The following WWP2 variants were observed in gnomAD, a reference collection of about 807,000 sequenced individuals.
WWP2 encodes NEDD4-like E3 ubiquitin-protein ligase WWP2.
In WWP2, 57 loss-of-function variants were observed where a neutral mutation model predicts 121.0. That is an observed-to-expected ratio of 0.47 (90% CI 0.38 to 0.59). WWP2 has a LOEUF of 0.59. Among genes scored for constraint, WWP2 ranks in the 20% least tolerant of loss-of-function variants. The pLI is 0.00. For synonymous variants in WWP2, 449 were observed against 441.3 expected (o/e 1.02, Z -0.22); for missense variants, 962 against 1,158.9 (o/e 0.83, Z 2.47).
At chr16:69,806,292 A>G (rs571186315) in intron 4 of WWP2, among the ~76,000 whole-genome samples, 4 of 152,348 alleles carry the variant, frequency 2.6e-5, no homozygotes, top group East Asian at 3.8e-4. Flanking sequence ...AAGATAGACT[A>G]TTCCTTGAAA....
chr16:69,894,696 C>G (rs772485253), intron 8 of WWP2, among the ~76,000 whole-genome samples: 23 of 152,202 alleles, frequency 1.5e-4, no homozygotes, highest in Non-Finnish European at 2.8e-4. Flanking sequence ...GGAAGCGAGG[C>G]TGCTTTGGTC....
intron 6 of WWP2, among the ~76,000 whole-genome samples, chr16:69,850,457 G>A (rs535608900): frequency 1.3e-5 from 2 of 151,902 alleles, no homozygotes; most frequent in South Asian, 4.2e-4. Context: ...GGAGACAGAT[G>A]CATGGATGAG....
chr16:69,882,802 A>G (rs138973751), intron 7 of WWP2, among the ~76,000 whole-genome samples: 43 of 152,314 alleles, frequency 2.8e-4, no homozygotes, highest in Middle Eastern at 3.4e-3. Context: ...ATGGGTGTAC[A>G]TCAAATAATT....
intron 7 of WWP2, among the ~76,000 whole-genome samples, chr16:69,876,063 T>G (rs1417515231): frequency 1.3e-5 from 2 of 152,216 alleles, no homozygotes; most frequent in African/African-American, 4.8e-5. Flanking sequence ...GTTAAAGCAG[T>G]TCTCATACCT....
intron 2 of WWP2, among the ~76,000 whole-genome samples, chr16:69,791,232 C>CTTTCTT (rs554235278): frequency 6.9e-6 from 1 of 145,350 alleles, no homozygotes; most frequent in African/African-American, 2.5e-5. Context: ...TTTTTTCTTT[C>CTTTCTT]TTTTTTTTTT....
At chr16:69,788,694 C>T (rs1382944200) in intron 2 of WWP2, among the ~76,000 whole-genome samples, 1 of 152,154 alleles carries the variant, frequency 6.6e-6, no homozygotes, top group Non-Finnish European at 1.5e-5. Context: ...CTTATCAGCC[C>T]TTGTCCCTGT....
intron 9 of WWP2, chr16:69,909,246 G>T (rs2058345911): frequency 1.0e-6 from 1 of 993,666 alleles, no homozygotes; most frequent in East Asian, 1.1e-4. Context: ...AGGAGAAGGG[G>T]TTTGGTTCCC....
At position 69,925,257 on chromosome 16, in the gene WWP2, A is replaced by G; in HGVS notation, c.1180-173A>G. On this transcript the variant is annotated intron_variant, in intron 10 of 23. Coordinates refer to ENST00000359154, the MANE Select transcript of WWP2 (RefSeq NM_001270454.2). This position sits in a 1 kb window ranked among gnomAD's most constrained non-coding sequence, Gnocchi z 4.0. ...TGGTTTTTCTGTAAAAATCAAAACA[A>G]AAAACAGAGACTTTTGAGAGGAGCA... 1 of 1,438,596 alleles carries G rather than the reference A, an allele frequency of 7.0e-7. No homozygotes were observed. Among genetic ancestry groups the G allele is most frequent in the Non-Finnish European group, 9.1e-7 (1 of 1,094,658 alleles). 89.1% of individuals were successfully genotyped at this position (1,438,596 alleles called of 1,614,324 possible).
At chr16:69,808,498 T>G (rs1321814077) in intron 4 of WWP2, among the ~76,000 whole-genome samples, 1 of 152,102 alleles carries the variant, frequency 6.6e-6, no homozygotes, top group African/African-American at 2.4e-5. Context: ...ACCTCCCAGG[T>G]TCAAGCAGTT....
intron 8 of WWP2, 44 bp downstream of exon 8, chr16:69,888,293 A>C (rs1313308779): frequency 1.3e-6 from 2 of 1,582,248 alleles, no homozygotes; most frequent in Non-Finnish European, 1.7e-6. Context: ...CTCCTCAAAG[A>C]CTGAGGCTCC....
intron 10 of WWP2, among the ~76,000 whole-genome samples, chr16:69,919,907 C>G (rs71397993): frequency 6.6e-6 from 1 of 151,832 alleles, no homozygotes; most frequent in Non-Finnish European, 1.5e-5. Context: ...ATCCTCCCAC[C>G]TCAGCCCCCT....
intron 4 of WWP2, among the ~76,000 whole-genome samples, chr16:69,835,251 G>A (rs1708571807): frequency 1.3e-5 from 2 of 152,276 alleles, no homozygotes; most frequent in Non-Finnish European, 2.9e-5. Flanking sequence ...AGGTGGCTAA[G>A]ACTGCTATTT....
intron 6 of WWP2, among the ~76,000 whole-genome samples, chr16:69,845,108 G>T (rs2057045827): frequency 6.6e-6 from 1 of 152,168 alleles, no homozygotes; most frequent in Admixed American, 6.5e-5. Context: ...TTTTGGATAA[G>T]TCACAAAACC....
At chr16:69,836,749 G>A (rs1315984191) in intron 4 of WWP2, among the ~76,000 whole-genome samples, 1 of 151,968 alleles carries the variant, frequency 6.6e-6, no homozygotes, top group East Asian at 1.9e-4. Context: ...CAGGTAGTGG[G>A]GACCACAGGT....
At chr16:69,931,306 G>A in intron 14 of WWP2, 79 bp downstream of exon 14, 3 of 1,571,142 alleles carry the variant, frequency 1.9e-6, no homozygotes, top group South Asian at 1.1e-5. Flanking sequence ...ACAGCAGCAG[G>A]TATCGGAATG....
chr16:69,809,007 GTAA>G (rs1291063272), intron 4 of WWP2, among the ~76,000 whole-genome samples: 1 of 152,176 alleles, frequency 6.6e-6, no homozygotes, highest in Admixed American at 6.6e-5. Flanking sequence ...CTGATCGTTT[GTAA>G]TTACTGTTGT....
intron 4 of WWP2, among the ~76,000 whole-genome samples, chr16:69,812,655 T>C (rs546252215): frequency 6.6e-6 from 1 of 152,064 alleles, no homozygotes; most frequent in East Asian, 1.9e-4. Flanking sequence ...TTAAAAATTA[T>C]TTGGCAGATT....
intron 4 of WWP2, among the ~76,000 whole-genome samples, chr16:69,817,055 T>G (rs1181737910): frequency 6.6e-6 from 1 of 152,238 alleles, no homozygotes; most frequent in Non-Finnish European, 1.5e-5. Context: ...ATTCTGTTAT[T>G]CAGACCTAAT....
intron 6 of WWP2, among the ~76,000 whole-genome samples, chr16:69,864,744 C>CA (rs1226142944): frequency 6.7e-6 from 1 of 148,756 alleles, no homozygotes; most frequent in African/African-American, 2.5e-5. Flanking sequence ...TTTTTTGAGA[C>CA]AGAGTCTGGC....
Sources: gnomAD v4.1 joint callset for allele counts (sites outside exome capture counted in the v4.1 genomes callset) on GRCh38, gnomAD v4.1.1 for gene constraint, Gnocchi (gnomAD v3.1) non-coding constraint, MANE v1.5 for transcripts, NCBI Gene and HGNC (gene_info 2026-07-23, HGNC 2026-07-21) for gene names.